SPEF2: variants seen among roughly 807,000 people sequenced by gnomAD.
SPEF2 encodes sperm flagella and cilia-associated protein 2.
Under a neutral mutation model 224.6 loss-of-function variants are expected in SPEF2, and 187 were observed. The observed-to-expected ratio is 0.83, with a 90% confidence interval of 0.74 to 0.94. The LOEUF (loss-of-function observed/expected upper bound fraction) is 0.94. SPEF2 is among the 40% of genes least tolerant of loss of function. SPEF2 has a pLI of 0.00. For synonymous variants in SPEF2, 715 were observed against 707.3 expected, an observed-to-expected ratio of 1.01 and a Z score of -0.17; for missense variants, 2,170 against 2,135.6, an observed-to-expected ratio of 1.02 and a Z score of -0.32.
chr5:35,766,253 A>G (rs746428628), intron 26 of SPEF2, among the ~76,000 whole-genome samples: 3 of 152,122 alleles, frequency 2.0e-5, no homozygotes, highest in Non-Finnish European at 4.4e-5. Flanking sequence ...GAGGCCATCT[A>G]GAACTAAAGT....
intron 23 of SPEF2, among the ~76,000 whole-genome samples, chr5:35,747,730 A>G (rs1286617611): frequency 6.6e-6 from 1 of 152,214 alleles, no homozygotes; most frequent in Non-Finnish European, 1.5e-5. Flanking sequence ...GCAACACAAT[A>G]ATAGTGGGGG....
intron 2 of SPEF2, among the ~76,000 whole-genome samples, chr5:35,631,219 A>T (rs1745069243): frequency 6.6e-6 from 1 of 152,212 alleles, no homozygotes; most frequent in Admixed American, 6.5e-5. Flanking sequence ...TTTTAAAACC[A>T]TCAGACCTTG....
chr5:35,744,550 C>T (rs1277665149), intron 23 of SPEF2, among the ~76,000 whole-genome samples: 1 of 152,194 alleles, frequency 6.6e-6, no homozygotes, highest in East Asian at 1.9e-4. Context: ...GCAAAGGTTT[C>T]ACACTGAGTC....
chr5:35,801,788 A>AGG (rs1455064912), intron 34 of SPEF2, among the ~76,000 whole-genome samples: 1 of 152,042 alleles, frequency 6.6e-6, no homozygotes, highest in Non-Finnish European at 1.5e-5. Flanking sequence ...CCTGGCAATG[A>AGG]CTTCCTTGAG....
At position 35,769,307 on chromosome 5, in the gene SPEF2, C is replaced by T. The variant is rs528037234; in HGVS notation, c.3802-2302C>T. ...ATTTAGGGGAAGAATTTTAGCAAGT[C>T]GGCTTTCAGCTTTACTAAGAACTTG... On this transcript the variant is annotated intron_variant, in intron 26 of 36. Transcript: ENST00000356031. Among the ~76,000 whole-genome samples, 6 of 151,962 alleles carry T rather than the reference C, an allele frequency of 3.9e-5. No homozygotes were observed. In the East Asian group the frequency reaches 5.8e-4, roughly 15 times the overall value.
intron 30 of SPEF2, chr5:35,789,426 C>T (rs989179495): frequency 1.7e-5 from 12 of 687,662 alleles, no homozygotes; most frequent in Middle Eastern, 2.3e-4. Context: ...GTTTGACTTG[C>T]GAAATTATCT....
intron 20 of SPEF2, among the ~76,000 whole-genome samples, chr5:35,713,817 G>A (rs7443414): frequency 0.5 from 4,537 of 8,986 alleles, 1,095 homozygotes; most frequent in Middle Eastern, 0.7. Flanking sequence ...TAGTATATAT[G>A]TTATATATAG....
chr5:35,743,179 T>A (rs1185460842), intron 23 of SPEF2, among the ~76,000 whole-genome samples: 1 of 151,516 alleles, frequency 6.6e-6, no homozygotes, highest in Non-Finnish European at 1.5e-5. Flanking sequence ...TTATTAGGCA[T>A]GGAAGAATAG....
intron 24 of SPEF2, among the ~76,000 whole-genome samples, chr5:35,755,577 A>G (rs998041023): frequency 6.6e-6 from 1 of 152,194 alleles, no homozygotes; most frequent in African/African-American, 2.4e-5. Flanking sequence ...CTTACTATGT[A>G]CATGCCAGGC....
At chr5:35,728,928 G>A (rs1417611745) in intron 21 of SPEF2, among the ~76,000 whole-genome samples, 1 of 151,946 alleles carries the variant, frequency 6.6e-6, no homozygotes, top group African/African-American at 2.4e-5. Context: ...ATAGAAGTGG[G>A]TGTTAGGAAT....
At chr5:35,679,125 G>T (rs1475666155) in intron 10 of SPEF2, among the ~76,000 whole-genome samples, 1 of 152,086 alleles carries the variant, frequency 6.6e-6, no homozygotes. Flanking sequence ...TATTACCCAG[G>T]AACAGTAACT....
chr5:35,769,727 G>T (rs1435140763), intron 26 of SPEF2, among the ~76,000 whole-genome samples: 1 of 152,118 alleles, frequency 6.6e-6, no homozygotes, highest in Non-Finnish European at 1.5e-5. Flanking sequence ...CTGCCATGGG[G>T]TATGCAGTGT....
At position 35,624,611 on chromosome 5, in the gene SPEF2, A is replaced by ATC. The variant is rs373361522; in HGVS notation, c.59-3835_59-3834dup. Among the ~76,000 whole-genome samples the ATC allele has an allele frequency of 1.2e-4, 17 of 146,836 alleles. 1 individual carries two copies. The highest frequency in any genetic ancestry group is 9.9e-4 in the East Asian group (5 of 5,050). Reference sequence around the variant, plus strand: ...TCCCTATCACCTTTGTCCTCTCTCAATCTCTCTCTCTCTCTGGCTTCCTAT... The same window carrying ATC: ...TCCCTATCACCTTTGTCCTCTCTCAATCTCTCTCTCTCTCTCTGGCTTCCTAT... On this transcript the variant is annotated intron_variant, in intron 1 of 36. Coordinates refer to ENST00000356031, the MANE Select transcript of SPEF2 (RefSeq NM_024867.4).
At chr5:35,644,945 A>AT in intron 4 of SPEF2, among the ~76,000 whole-genome samples, 1 of 152,224 alleles carries the variant, frequency 6.6e-6, no homozygotes, top group African/African-American at 2.4e-5. Flanking sequence ...GTCCTGCCCC[A>AT]TTTCTCTGTT....
chr5:35,697,952 A>G (rs1342695149), intron 15 of SPEF2, 159 bp downstream of exon 15: 3 of 519,248 alleles, frequency 5.8e-6, no homozygotes, highest in Non-Finnish European at 9.9e-6. Context: ...TTATTTTGTG[A>G]CTTACGTGCC....
chr5:35,807,060 A>T (rs1459032041), intron 35 of SPEF2, 71 bp from the exon 36 acceptor site: 1 of 1,566,198 alleles, frequency 6.4e-7, no homozygotes, highest in East Asian at 2.2e-5. Context: ...CTCTTTAGTA[A>T]ATACAACCAT....
intron 30 of SPEF2, among the ~76,000 whole-genome samples, chr5:35,786,615 G>A (rs56310099): frequency 1.2e-3 from 186 of 152,152 alleles, no homozygotes; most frequent in African/African-American, 4.3e-3. Context: ...AGCCAAAATC[G>A]TGCCACTGGA....
At chr5:35,625,454 T>C (rs1744106939) in intron 1 of SPEF2, among the ~76,000 whole-genome samples, 1 of 152,178 alleles carries the variant, frequency 6.6e-6, no homozygotes. Flanking sequence ...GGGCTAGACT[T>C]TCAGCATTCA....
Position 35,671,609 on chromosome 5 carries a change from T to C in SPEF2, c.1524+1382T>C, listed in dbSNP as rs996652653. 7.5e-6 allele frequency: 6 copies of C among 795,518 alleles called. No homozygotes were observed. The East Asian group carries it at 7.4e-4, about 98-fold the overall frequency. 49.3% of individuals were successfully genotyped at this position (795,518 alleles called of 1,614,324 possible). On this transcript the variant is annotated intron_variant, in intron 10 of 36. Coordinates refer to ENST00000356031, the MANE Select transcript of SPEF2 (RefSeq NM_024867.4). ...GTTCATCGAATGTTTATTTCTAAATTACTTGCTAAACAGCTCAATCTCTAT... is the reference window on the plus strand; with the variant it reads ...GTTCATCGAATGTTTATTTCTAAATCACTTGCTAAACAGCTCAATCTCTAT...
Sources: allele counts gnomAD v4.1 joint callset (sites outside exome capture counted in the v4.1 genomes callset), GRCh38; gene constraint gnomAD v4.1.1; transcripts MANE v1.5; gene names NCBI Gene and HGNC (gene_info 2026-07-23, HGNC 2026-07-21).